The following NSUN3 variants were observed in gnomAD, a reference collection of about 807,000 sequenced individuals.
NSUN3 encodes the protein tRNA (cytosine(34)-C(5))-methyltransferase, mitochondrial.
NSUN3 carries 24 observed loss-of-function variants against 36.8 expected under a neutral mutation model. The observed-to-expected ratio is 0.65, with a 90% CI of 0.47 to 0.92. NSUN3 has a LOEUF of 0.92. NSUN3 is among the 40% of genes least tolerant of loss of function. The pLI, the probability that NSUN3 is intolerant of heterozygous loss-of-function variation, is 0.00. For synonymous variants in NSUN3, 146 were observed against 145.2 expected (o/e 1.01, Z -0.04); for missense variants, 381 against 392.8 (o/e 0.97, Z 0.25).
At chr3:94,113,439 A>G (rs998530515) in intron 5 of NSUN3, among the ~76,000 whole-genome samples, 3 of 152,254 alleles carry the variant, frequency 2.0e-5, no homozygotes, top group Admixed American at 2.0e-4. Flanking sequence ...GAGGTAACAT[A>G]TAACACACTT....
At chr3:94,101,850 T>C (rs1357605256) in intron 5 of NSUN3, among the ~76,000 whole-genome samples, 1 of 152,160 alleles carries the variant, frequency 6.6e-6, no homozygotes, top group East Asian at 1.9e-4. Flanking sequence ...GAAAATGAAA[T>C]ACATGTAGTC....
intron 3 of NSUN3, among the ~76,000 whole-genome samples, chr3:94,087,857 T>G (rs879291239): frequency 6.6e-6 from 1 of 152,054 alleles, no homozygotes; most frequent in Admixed American, 6.5e-5. Context: ...TTTGTAGAGA[T>G]GGGGTTTCAC....
chr3:94,080,414 AC>A (rs1204926075), intron 2 of NSUN3, among the ~76,000 whole-genome samples: 2 of 151,950 alleles, frequency 1.3e-5, no homozygotes, highest in African/African-American at 4.8e-5. Context: ...AGGCAGTCTG[AC>A]CCTTAGCAGA....
Position 94,084,099 on chromosome 3 carries a change from A to G in NSUN3, c.123-8A>G, listed in dbSNP as rs763131085. 1.0e-4 allele frequency: 161 copies of G among 1,593,292 alleles called. 2 individuals are homozygous for G. In the South Asian group the frequency reaches 1.1e-3, roughly 11 times the overall value. ...ATATTCTCTTATTTTCTCTTTTTCT[A>G]TTTCTAGGGAGATACTAACATCTCC... On this transcript the variant is annotated splice_region_variant and splice_polypyrimidine_tract_variant and intron_variant, in intron 2 of 5. Transcript: ENST00000314622.
intron 2 of NSUN3, among the ~76,000 whole-genome samples, chr3:94,080,787 A>G (rs2077265319): frequency 6.6e-6 from 1 of 152,118 alleles, no homozygotes; most frequent in Non-Finnish European, 1.5e-5. Context: ...TTGATCTGAG[A>G]CTGCTGCTGT....
chr3:94,126,583 C>T lies in NSUN3; in HGVS notation c.*93C>T. 1.7e-6 allele frequency: 2 copies of T among 1,171,906 alleles called. No homozygotes were observed. Among genetic ancestry groups the T allele is most frequent in the Non-Finnish European group, 1.2e-6 (1 of 837,644 alleles). 72.6% of individuals were successfully genotyped at this position (1,171,906 alleles called of 1,614,324 possible). A position where few individuals can be genotyped will look rare whatever the true frequency, so the allele number is the denominator to read the frequency against. ...TTAAATAATTATGCAGTAACTTTCT[C>T]TGGGTCTGTTTGGAATCCTATTTAG... On this transcript the variant is annotated 3_prime_UTR_variant, in exon 6 of 6. Transcript: ENST00000314622.
intron 3 of NSUN3, among the ~76,000 whole-genome samples, chr3:94,092,221 C>G (rs1315377355): frequency 6.6e-6 from 1 of 152,184 alleles, no homozygotes; most frequent in Non-Finnish European, 1.5e-5. Flanking sequence ...CTTCCTCCTT[C>G]CTCCACTAAC....
chr3:94,127,301 T>C lies in NSUN3; in HGVS notation c.*811T>C, dbSNP rs1407233868. The C allele has an allele frequency of 6.6e-6, 1 of 152,206 alleles. No individual in the cohort carries two copies. Among genetic ancestry groups the C allele is most frequent in the Non-Finnish European group, 1.5e-5 (1 of 68,034 alleles). The allele number at this position is 152,206 out of a possible 1,614,324, so 9.4% of individuals were successfully genotyped here. ...ACTGAACTATATTTGGAGAGTTTTGTTACATAATTGCAGTCATAATGAGCA... is the reference window on the plus strand; with the variant it reads ...ACTGAACTATATTTGGAGAGTTTTGCTACATAATTGCAGTCATAATGAGCA... On this transcript the variant is annotated 3_prime_UTR_variant, in exon 6 of 6. Coordinates refer to ENST00000314622, the MANE Select transcript of NSUN3 (RefSeq NM_022072.5).
intron 1 of NSUN3, 82 bp from the exon 2 acceptor site, chr3:94,064,355 T>C: frequency 1.2e-6 from 1 of 834,374 alleles, no homozygotes; most frequent in Admixed American, 2.0e-5. Context: ...TGTTCTTGTC[T>C]TAAAAAAAGA....
chr3:94,074,480 C>G (rs902894175), intron 2 of NSUN3, among the ~76,000 whole-genome samples: 1 of 152,002 alleles, frequency 6.6e-6, no homozygotes, highest in Non-Finnish European at 1.5e-5. Context: ...CTTATTTCCT[C>G]GAGCAGTGGT....
chr3:94,063,367 C>G (rs947770084), intron 1 of NSUN3: 1 of 533,366 alleles, frequency 1.9e-6, no homozygotes, highest in African/African-American at 1.9e-5. Context: ...CCCTCCAGCT[C>G]TTGGAGGGCT....
intron 4 of NSUN3, 33 bp downstream of exon 4, chr3:94,094,327 C>G (rs10934676): frequency 0.23 from 362,933 of 1,582,858 alleles, 45,234 homozygotes; most frequent in Admixed American, 0.26. Context: ...AACTGATGGA[C>G]GCCCAGTAAT....
chr3:94,101,966 T>C (rs1215617141), intron 5 of NSUN3, among the ~76,000 whole-genome samples: 1 of 152,136 alleles, frequency 6.6e-6, no homozygotes, highest in Non-Finnish European at 1.5e-5. Context: ...AGGTAACTTA[T>C]TGCAGTAATG....
At position 94,130,830 on chromosome 3, in the gene NSUN3, T is replaced by A. The variant is rs2077506317; in HGVS notation, c.*4340T>A. Among the ~76,000 whole-genome samples the A allele has an allele frequency of 6.6e-6, 1 of 152,150 alleles. No individual in the cohort carries two copies. The highest frequency in any genetic ancestry group is 6.5e-5 in the Admixed American group (1 of 15,272). On this transcript the variant is annotated 3_prime_UTR_variant, in exon 6 of 6. Coordinates refer to ENST00000314622, the MANE Select transcript of NSUN3 (RefSeq NM_022072.5). ...CACACAGTGGGAGCCTTGTTTGACCTTTTTTAACCTTTCCTGGTCAGGTGC... is the reference window on the plus strand; with the variant it reads ...CACACAGTGGGAGCCTTGTTTGACCATTTTTAACCTTTCCTGGTCAGGTGC...
At chr3:94,065,113 A>G (rs1189879562) in intron 2 of NSUN3, among the ~76,000 whole-genome samples, 1 of 152,202 alleles carries the variant, frequency 6.6e-6, no homozygotes, top group Non-Finnish European at 1.5e-5. Flanking sequence ...ATGTTAATGT[A>G]TGGATTACTG....
At chr3:94,093,683 T>G (rs1381724691) in intron 3 of NSUN3, among the ~76,000 whole-genome samples, 1 of 152,234 alleles carries the variant, frequency 6.6e-6, no homozygotes, top group Non-Finnish European at 1.5e-5. Context: ...GACAGGAAGC[T>G]TTTAAGCCAG....
intron 2 of NSUN3, among the ~76,000 whole-genome samples, chr3:94,075,154 T>A (rs1177649462): frequency 6.6e-6 from 1 of 152,164 alleles, no homozygotes; most frequent in Non-Finnish European, 1.5e-5. Flanking sequence ...ATACAAGTTA[T>A]TGATTCAGTC....
At chr3:94,124,308 G>A (rs1033464418) in intron 5 of NSUN3, among the ~76,000 whole-genome samples, 2 of 151,468 alleles carry the variant, frequency 1.3e-5, no homozygotes, top group East Asian at 1.9e-4. Context: ...ATCCACCACC[G>A]CACCTGGCTG....
chr3:94,112,874 T>C (rs536853246), intron 5 of NSUN3, among the ~76,000 whole-genome samples: 5 of 151,268 alleles, frequency 3.3e-5, no homozygotes, highest in South Asian at 2.1e-4. Flanking sequence ...ACAAAACTCT[T>C]TTTTTTTTGA....
Sources: allele counts gnomAD v4.1 joint callset (sites outside exome capture counted in the v4.1 genomes callset), GRCh38; gene constraint gnomAD v4.1.1; transcripts MANE v1.5; gene names NCBI Gene and HGNC (gene_info 2026-07-23, HGNC 2026-07-21).